The following RIMS2 variants were observed in gnomAD, a reference collection of about 807,000 sequenced individuals.
RIMS2 encodes regulating synaptic membrane exocytosis protein 2.
A neutral mutation model predicts 174.4 loss-of-function variants in RIMS2; 59 were observed. The observed-to-expected ratio is 0.34, with a 90% CI of 0.27 to 0.42. RIMS2 has a LOEUF of 0.42. Ranked by LOEUF, RIMS2 falls within the 10% of genes least tolerant of loss-of-function variation. The pLI is 1.00. For synonymous variants in RIMS2, 606 were observed against 572.5 expected, an observed-to-expected ratio of 1.06 and a Z score of -0.84; for missense variants, 1,620 against 1,666.3, an observed-to-expected ratio of 0.97 and a Z score of 0.48.
At chr8:104,075,146 G>C (rs548359833) in intron 19 of RIMS2, among the ~76,000 whole-genome samples, 1 of 152,032 alleles carries the variant, frequency 6.6e-6, no homozygotes, top group Non-Finnish European at 1.5e-5. Context: ...GCCAGGCTTT[G>C]TGCCTGCTAC....
intron 15 of RIMS2, among the ~76,000 whole-genome samples, chr8:103,967,170 G>GTTTTTTTTTTTTTTTTTTTTTTTTTTTTT (rs71575988): frequency 8.0e-5 from 2 of 24,962 alleles, no homozygotes; most frequent in African/African-American, 4.2e-4. Flanking sequence ...ATCTGTTCTT[G>GTTTTTTTTTTTTTTTTTTTTTTTTTTTTT]TTTTTTTTTT....
chr8:103,915,262 A>C (rs1271375975), intron 6 of RIMS2, among the ~76,000 whole-genome samples: 1 of 152,118 alleles, frequency 6.6e-6, no homozygotes, highest in Non-Finnish European at 1.5e-5. Context: ...GTTATGCAAC[A>C]CTTCAGCAAA....
At chr8:103,886,205 G>A in exon 4 of RIMS2, 1 of 1,610,136 alleles carries the variant, frequency 6.2e-7, no homozygotes, top group Non-Finnish European at 8.5e-7. Context: ...GATTGAAAGT[G>A]AGAGTGTAAG....
intron 1 of RIMS2, among the ~76,000 whole-genome samples, chr8:103,674,641 A>G (rs28846684): frequency 0.18 from 26,703 of 151,944 alleles, 2,553 homozygotes; most frequent in African/African-American, 0.23. Flanking sequence ...TATACACTGT[A>G]TATAGAATTG....
At chr8:104,053,315 A>G (rs2096818950) in intron 19 of RIMS2, among the ~76,000 whole-genome samples, 1 of 152,204 alleles carries the variant, frequency 6.6e-6, no homozygotes, top group African/African-American at 2.4e-5. Flanking sequence ...GCTCAGTTGA[A>G]TGAACCCAGA....
intron 2 of RIMS2, among the ~76,000 whole-genome samples, chr8:103,726,989 A>G (rs1341533869): frequency 1.3e-5 from 2 of 151,432 alleles, no homozygotes. Flanking sequence ...TGCCCACCTC[A>G]GCCTCCCAAA....
chr8:104,018,545 C>T (rs371818994), intron 19 of RIMS2, among the ~76,000 whole-genome samples: 23 of 152,054 alleles, frequency 1.5e-4, no homozygotes, highest in African/African-American at 5.1e-4. Flanking sequence ...TAGGTAGTGC[C>T]CCTGACCAAG....
chr8:104,080,750 T>C (rs2097401716), intron 19 of RIMS2, among the ~76,000 whole-genome samples: 1 of 152,106 alleles, frequency 6.6e-6, no homozygotes, highest in Admixed American at 6.6e-5. Flanking sequence ...AGTTGTAATT[T>C]TTCTTTAGTT....
chr8:104,100,115 C>T (rs1476667594), intron 19 of RIMS2, among the ~76,000 whole-genome samples: 1 of 152,000 alleles, frequency 6.6e-6, no homozygotes, highest in African/African-American at 2.4e-5. Context: ...GCCACCATAC[C>T]CAGCTTCTTT....
chr8:103,592,925 T>C (rs2094327226), intron 1 of RIMS2, among the ~76,000 whole-genome samples: 1 of 151,378 alleles, frequency 6.6e-6, no homozygotes, highest in African/African-American at 2.4e-5. Flanking sequence ...TTCTACATAT[T>C]GGAGAATGAT....
chr8:104,244,894 CT>C (rs2099322146), intron 19 of RIMS2, 21 bp from the exon 26 acceptor site: 5 of 1,606,336 alleles, frequency 3.1e-6, no homozygotes, highest in Non-Finnish European at 3.4e-6. Context: ...AGCTGTTACA[CT>C]TTTTGTTTCT....
intron 19 of RIMS2, among the ~76,000 whole-genome samples, chr8:104,217,190 A>G (rs781019628): frequency 1.2e-4 from 19 of 152,304 alleles, no homozygotes; most frequent in Non-Finnish European, 2.4e-4. Context: ...TGGATATATT[A>G]GCATAAATCT....
intron 1 of RIMS2, among the ~76,000 whole-genome samples, chr8:103,597,221 A>T (rs1013341335): frequency 6.6e-6 from 1 of 152,202 alleles, no homozygotes; most frequent in Non-Finnish European, 1.5e-5. Flanking sequence ...ATTTTCTTTA[A>T]CTATAGTGAG....
At chr8:103,744,120 A>T (rs1348114410) in intron 2 of RIMS2, among the ~76,000 whole-genome samples, 1 of 152,170 alleles carries the variant, frequency 6.6e-6, no homozygotes, top group African/African-American at 2.4e-5. Flanking sequence ...ATCTCAGCTA[A>T]CTGCAACCTC....
At chr8:103,869,331 G>C (rs2099099086) in intron 3 of RIMS2, among the ~76,000 whole-genome samples, 1 of 152,016 alleles carries the variant, frequency 6.6e-6, no homozygotes, top group South Asian at 2.1e-4. Context: ...GAGTAGCTGG[G>C]ATTACAGGCA....
exon 6 of RIMS2, chr8:103,912,063 C>T (rs752240780): frequency 2.5e-6 from 4 of 1,591,466 alleles, no homozygotes; most frequent in Non-Finnish European, 3.4e-6. Context: ...CACCCTGTAA[C>T]CTGGCAACCA....
intron 19 of RIMS2, among the ~76,000 whole-genome samples, chr8:104,147,673 G>C (rs2098653098): frequency 6.6e-6 from 1 of 152,124 alleles, no homozygotes; most frequent in African/African-American, 2.4e-5. Context: ...GTCAAAAATT[G>C]ATGTGTAAAT....
chr8:104,007,310 C>T (rs892121524), intron 17 of RIMS2, among the ~76,000 whole-genome samples: 21 of 152,242 alleles, frequency 1.4e-4, no homozygotes, highest in African/African-American at 4.3e-4. Flanking sequence ...TCATTCTCTG[C>T]GCTACTGCTG....
intron 12 of RIMS2, among the ~76,000 whole-genome samples, chr8:103,935,314 G>A (rs982954712): frequency 5.3e-5 from 8 of 152,068 alleles, no homozygotes; most frequent in Non-Finnish European, 7.4e-5. Flanking sequence ...AAGCTACATT[G>A]CATGTTATCT....
Sources: gnomAD v4.1 joint callset for allele counts (sites outside exome capture counted in the v4.1 genomes callset) on GRCh38, gnomAD v4.1.1 for gene constraint, MANE v1.5 for transcripts, NCBI Gene and HGNC (gene_info 2026-07-23, HGNC 2026-07-21) for gene names.